Variants in KCTD14 observed in about 807,000 individuals in gnomAD.
The protein encoded by KCTD14 is BTB/POZ domain-containing protein KCTD14.
A neutral mutation model predicts 5.9 loss-of-function variants in KCTD14; 7 were observed. The observed-to-expected ratio is 1.19, with a 90% CI of 0.68 to 2.23. The LOEUF (loss-of-function observed/expected upper bound fraction) is 2.23. Ranked by LOEUF, KCTD14 falls within the 30% of genes most tolerant of loss-of-function variation. The probability of loss-of-function intolerance (pLI) is 0.00; values close to 1 mark genes in which losing one functional copy is unlikely to be tolerated. For synonymous variants in KCTD14, 140 were observed against 133.1 expected (o/e 1.05, Z -0.36); for missense variants, 342 against 332.2 (o/e 1.03, Z -0.23).
At chr11:78,038,866 A>C in intron 1 of KCTD14, 1 of 1,273,804 alleles carries the variant, frequency 7.9e-7, no homozygotes, top group Middle Eastern at 1.9e-4. Context: ...ACACTGCAGA[A>C]CTGGATGGCT....
At chr11:78,033,871 A>C (rs4432049) in intron 2 of KCTD14, among the ~76,000 whole-genome samples, 129,747 of 133,842 alleles carry the variant, frequency 0.97, 62,921 homozygotes, top group East Asian at 1. Flanking sequence ...ATAACAAAGA[A>C]AATAATAGTG....
chr11:78,039,955 G>T (rs1252071399), intron 1 of KCTD14, among the ~76,000 whole-genome samples: 1 of 152,092 alleles, frequency 6.6e-6, no homozygotes, highest in Non-Finnish European at 1.5e-5. Context: ...TAGTGCTGCA[G>T]TGAGCATCCT....
At position 78,033,901 on chromosome 11, in the gene KCTD14, G is replaced by GTGTGTGTACATATATATATATATATA; in HGVS notation, c.-1+4762_-1+4763insTATATATATATATATATGTACACACA. On this transcript the variant is annotated intron_variant, in intron 2 of 2. Transcript: ENST00000533144. ...ATAGTGTGTGTGTATGTGTGTGTGT[G>GTGTGTGTACATATATATATATATATA]TATATATATATATACACACATTATA... 1.2e-4 allele frequency among the ~76,000 whole-genome samples: 14 copies of GTGTGTGTACATATATATATATATATA among 115,582 alleles called. 1 individual carries two copies. Among genetic ancestry groups the GTGTGTGTACATATATATATATATATA allele is most frequent in the South Asian group, 3.0e-4 (1 of 3,294 alleles). 75.8% of individuals were successfully genotyped at this position (115,582 alleles called of 152,430 possible).
At chr11:78,043,781 A>C (rs764920753) in intron 1 of KCTD14, among the ~76,000 whole-genome samples, 3 of 152,190 alleles carry the variant, frequency 2.0e-5, no homozygotes, top group Non-Finnish European at 4.4e-5. Flanking sequence ...GAAGGGTTTC[A>C]CTCAGGGAAC....
Position 78,045,230 on chromosome 11 carries a change from G to A in KCTD14, c.-96+831C>T, listed in dbSNP as rs145112863. On this transcript the variant is annotated intron_variant, in intron 1 of 2. Transcript: ENST00000533144. ...GCAATCCTCTTGCCTCCGCCCTCAA[G>A]TAGCTGGGACTACCAACACATGTCA... 8.1e-3 allele frequency among the ~76,000 whole-genome samples: 1,226 copies of A among 152,272 alleles called. 17 individuals are homozygous for A. The highest frequency in any genetic ancestry group is 0.028 in the African/African-American group (1,151 of 41,550).
At chr11:78,026,796 A>G (rs1019324501), upstream of KCTD14, among the ~76,000 whole-genome samples, 2 of 152,098 alleles carry the variant, frequency 1.3e-5, no homozygotes, top group African/African-American at 4.8e-5. Context: ...GTTGGACTAG[A>G]GATTGTAAAT....
upstream of KCTD14, chr11:78,023,299 G>A (rs1304497295): frequency 1.3e-6 from 2 of 1,580,476 alleles, no homozygotes; most frequent in Non-Finnish European, 1.7e-6. Flanking sequence ...GCCCCTAGGT[G>A]GGAACACCGA....
chr11:78,020,460 G>A (rs1030721759), intron 1 of KCTD14, among the ~76,000 whole-genome samples: 1 of 152,216 alleles, frequency 6.6e-6, no homozygotes, highest in Non-Finnish European at 1.5e-5. Context: ...AGGAGAGGAC[G>A]CATCTTGACA....
In KCTD14 at chr11:78,016,609, G is replaced by A; in HGVS notation, c.752C>T (p.Thr251Ile). 6.2e-7 allele frequency: 1 copy of A among 1,613,510 alleles called. No homozygotes were observed. ...NEFHFNIYSF[T>I]FTWW ...TCCTGAGGATCACCACCAGGTGAAG[G>A]TGAATGAATAAATGTTAAAATGGAA... Residue 251 changes from threonine to isoleucine, a missense_variant, in exon 2 of 2, where the codon ACC becomes ATC. By Grantham distance (89) the Thr-to-Ile change is moderately conservative (BLOSUM62 -1). Coordinates refer to ENST00000353172, the MANE Select transcript of KCTD14 (RefSeq NM_023930.4).
Position 78,016,206 on chromosome 11 carries a change from C to T in KCTD14, c.*387G>A. On this transcript the variant is annotated 3_prime_UTR_variant, in exon 2 of 2. Coordinates refer to ENST00000353172, the MANE Select transcript of KCTD14 (RefSeq NM_023930.4). ...CATGCCAGGGACAGATGGATTGGAC[C>T]CCAAGCTGGGGCTATGTAGACTACA... is the stretch of plus-strand genomic sequence containing the variant. The T allele has an allele frequency of 4.4e-6, 1 of 227,198 alleles. No homozygotes were observed. The highest frequency in any genetic ancestry group is 7.3e-5 in the South Asian group (1 of 13,634). The allele number at this position is 227,198 out of a possible 1,614,324, so 14.1% of individuals were successfully genotyped here.
chr11:78,039,637 T>C (rs1221592074), intron 1 of KCTD14, among the ~76,000 whole-genome samples: 1 of 151,964 alleles, frequency 6.6e-6, no homozygotes, highest in African/African-American at 2.4e-5. Context: ...CATGTTGATA[T>C]GTGTCTGTAG....
upstream of KCTD14, among the ~76,000 whole-genome samples, chr11:78,026,184 C>T (rs1186372397): frequency 1.3e-5 from 2 of 152,194 alleles, no homozygotes; most frequent in Non-Finnish European, 1.5e-5. Flanking sequence ...CGCCTGTAAT[C>T]TCACCACTTT....
exon 1 of KCTD14, chr11:78,046,080 G>A: frequency 2.0e-6 from 2 of 984,830 alleles, no homozygotes; most frequent in Non-Finnish European, 2.4e-6. Flanking sequence ...AACCGGGGAG[G>A]ACTCCGAGAA....
chr11:78,028,639 A>G (rs1281350448), intron 2 of KCTD14, among the ~76,000 whole-genome samples: 2 of 150,430 alleles, frequency 1.3e-5, no homozygotes, highest in Non-Finnish European at 3.0e-5. Flanking sequence ...AGGGGACGTG[A>G]CAAGTATATT....
intron 1 of KCTD14, among the ~76,000 whole-genome samples, chr11:78,040,331 T>C (rs12807592): frequency 0.84 from 127,640 of 152,202 alleles, 53,734 homozygotes; most frequent in African/African-American, 0.89. Context: ...TCTCTCTTCC[T>C]TGTCTCTTTT....
intron 1 of KCTD14, among the ~76,000 whole-genome samples, chr11:78,040,738 T>C (rs942001673): frequency 6.6e-6 from 1 of 152,130 alleles, no homozygotes; most frequent in Non-Finnish European, 1.5e-5. Flanking sequence ...TGGCGTGATC[T>C]TGGCTCACTG....
chr11:78,017,108 A>G lies in KCTD14; in HGVS notation c.253T>C (p.Tyr85His). Residue 85 changes from tyrosine (Y) to histidine (H), a missense_variant, in exon 2 of 2, where the codon TAT becomes CAT. Transcript: ENST00000353172. ...AGGTAGTCCAGGATGGGTCTGAAAT[A>G]GGTGCTGGGGCGGTCGATGAAGAAG... ...GRFFIDRPSTYFRPILDYLRT... is the reference protein window; with the variant it reads ...GRFFIDRPSTHFRPILDYLRT... 1 of 1,614,144 alleles carries G rather than the reference A, an allele frequency of 6.2e-7. No homozygotes were observed. The highest frequency in any genetic ancestry group is 8.5e-7 in the Non-Finnish European group (1 of 1,180,008).
At chr11:78,033,827 C>G (rs1400385801) in intron 2 of KCTD14, among the ~76,000 whole-genome samples, 1 of 137,396 alleles carries the variant, frequency 7.3e-6, no homozygotes, top group Non-Finnish European at 1.5e-5. Context: ...GCTTGGGTGA[C>G]AGAGTAAGAC....
intron 1 of KCTD14, 160 bp downstream of exon 1, chr11:78,023,000 T>G: frequency 1.7e-6 from 1 of 584,100 alleles, no homozygotes; most frequent in Non-Finnish European, 3.0e-6. Flanking sequence ...CGGCAAAGAT[T>G]GAAGAGAGCG....
Sources: gnomAD v4.1 joint callset for allele counts (sites outside exome capture counted in the v4.1 genomes callset) on GRCh38, gnomAD v4.1.1 for gene constraint, MANE v1.5 for transcripts, NCBI Gene and HGNC (gene_info 2026-07-23, HGNC 2026-07-21) for gene names.